KLHL4: variants seen among roughly 807,000 people sequenced by gnomAD.
The protein encoded by KLHL4 is kelch-like protein 4.
A neutral mutation model predicts 45.8 loss-of-function variants in KLHL4; 17 were observed. The ratio of observed to expected loss-of-function variants is 0.37; its 90% confidence interval spans 0.25 to 0.56. KLHL4 has a LOEUF of 0.56. KLHL4 is among the 20% of genes least tolerant of loss of function. The pLI is 0.79. For missense variants in KLHL4, 544 were observed against 544.9 expected, an observed-to-expected ratio of 1.00 and a Z score of 0.02; for synonymous variants, 224 against 189.9, an observed-to-expected ratio of 1.18 and a Z score of -1.47.
rs755150150 is a variant in KLHL4 at position 87,665,921 on chromosome X, C to T, written c.2098-554C>T. Among the ~76,000 whole-genome samples, 4 of 111,429 alleles carry T rather than the reference C, an allele frequency of 3.6e-5. No individual in the cohort carries two copies. The East Asian group carries it at 1.1e-3, about 32-fold the overall frequency. On this transcript the variant is annotated intron_variant, in intron 10 of 10. Coordinates refer to ENST00000373119, the MANE Select transcript of KLHL4 (RefSeq NM_019117.5). ...GTAGGTAGCTGCTGTTTTGTCAATG[C>T]TTAGGACCAACCAGAAATCGAAGGA... is the stretch of plus-strand genomic sequence containing the variant.
At chrX:87,632,178 G>A in intron 6 of KLHL4, 32 bp from the exon 7 acceptor site, 1 of 942,000 alleles carries the variant, frequency 1.1e-6, no homozygotes, top group Non-Finnish European at 1.5e-6. Flanking sequence ...AATAGAAGTA[G>A]ATTTTACCGT....
chrX:87,598,501 T>C (rs1007105265), intron 1 of KLHL4, among the ~76,000 whole-genome samples: 1 of 111,545 alleles, frequency 9.0e-6, no homozygotes, highest in Non-Finnish European at 1.9e-5. Context: ...AGAGCCACCA[T>C]GAATACATGA....
At chrX:87,557,700 C>G (rs1023089634) in intron 1 of KLHL4, among the ~76,000 whole-genome samples, 1 of 104,160 alleles carries the variant, frequency 9.6e-6, no homozygotes, top group Non-Finnish European at 1.9e-5. Flanking sequence ...TGGGAATATT[C>G]AGTCTTTTAA....
Position 87,667,869 on chromosome X carries a change from C to T in KLHL4, c.*1335C>T, listed in dbSNP as rs1285937496. The T allele has an allele frequency of 1.0e-5, 7 of 668,401 alleles. No individual in the cohort carries two copies. Among genetic ancestry groups the T allele is most frequent in the Admixed American group, 8.9e-5 (1 of 11,239 alleles). The allele number at this position is 668,401 out of a possible 1,213,427, so 55.1% of individuals were successfully genotyped here. On this transcript the variant is annotated 3_prime_UTR_variant, in exon 11 of 11. Coordinates refer to ENST00000373119, the MANE Select transcript of KLHL4 (RefSeq NM_019117.5). ...GCTTTTAAGTTTTAAGAAAGAAGAA[C>T]GTAAGTTGTACAAAGATATTTGTAC...
chrX:87,666,325 G>GCAGA (rs1363236550), intron 10 of KLHL4, 150 bp from the exon 11 acceptor site: 34 of 472,268 alleles, frequency 7.2e-5, no homozygotes, highest in Admixed American at 1.1e-4. Context: ...ACACTACACT[G>GCAGA]TTTTCTAGGC....
intron 2 of KLHL4, 22 bp from the exon 3 acceptor site, chrX:87,614,412 T>G (rs1459554811): frequency 2.5e-6 from 3 of 1,195,351 alleles, no homozygotes; most frequent in Non-Finnish European, 2.3e-6. Flanking sequence ...TTTAAATTCC[T>G]ACAAATATTT....
In KLHL4 at chrX:87,669,942, C is replaced by A. The variant is rs955650475; in HGVS notation, c.*3408C>A. 1.8e-5 allele frequency: 2 copies of A among 112,691 alleles called. No homozygotes were observed. The highest frequency in any genetic ancestry group is 3.7e-5 in the Non-Finnish European group (2 of 53,827). The allele number at this position is 112,691 out of a possible 1,213,427, so 9.3% of individuals were successfully genotyped here. A position where few individuals can be genotyped will look rare whatever the true frequency, so the allele number is the denominator to read the frequency against. On this transcript the variant is annotated 3_prime_UTR_variant, in exon 11 of 11. Transcript: ENST00000373119. ...GTAAGGTGATAATATGTTTAATTAGCTTGATTTAATCATCCCACACTGTAT... is the reference window on the plus strand; with the variant it reads ...GTAAGGTGATAATATGTTTAATTAGATTGATTTAATCATCCCACACTGTAT...
At chrX:87,595,013 T>TTC (rs1207332503) in intron 1 of KLHL4, among the ~76,000 whole-genome samples, 1 of 97,881 alleles carries the variant, frequency 1.0e-5, no homozygotes, top group African/African-American at 3.8e-5. Flanking sequence ...TCCTCTACCC[T>TTC]TCTCTCTTTT....
In KLHL4 at chrX:87,613,086, AC is replaced by A. The variant is rs1922437598; in HGVS notation, c.423-790del. Among the ~76,000 whole-genome samples the A allele has an allele frequency of 2.7e-5, 3 of 111,983 alleles. No homozygotes were observed. The South Asian group carries it at 1.1e-3, about 42-fold the overall frequency. On this transcript the variant is annotated intron_variant, in intron 1 of 10. Transcript: ENST00000373119. Reference sequence around the variant, plus strand: ...TTGGACCAACTGTCTTAAAAGAAACACAGACTGAATCGGGAGTGAGGAGATC... The same window carrying A: ...TTGGACCAACTGTCTTAAAAGAAACAAGACTGAATCGGGAGTGAGGAGATC...
intron 1 of KLHL4, among the ~76,000 whole-genome samples, chrX:87,526,293 A>C (rs1237582294): frequency 8.9e-6 from 1 of 112,323 alleles, no homozygotes; most frequent in African/African-American, 3.2e-5. Flanking sequence ...TTGGTTTTCT[A>C]TTAATGTTTC....
chrX:87,637,150 A>G (rs1923289212), intron 9 of KLHL4, among the ~76,000 whole-genome samples: 1 of 111,470 alleles, frequency 9.0e-6, no homozygotes, highest in African/African-American at 3.3e-5. Context: ...GAGAGACCTG[A>G]AGATGGATCA....
At chrX:87,641,980 CA>C (rs1405679061) in intron 9 of KLHL4, among the ~76,000 whole-genome samples, 1 of 105,488 alleles carries the variant, frequency 9.5e-6, no homozygotes, top group East Asian at 3.0e-4. Context: ...AGACAAAGGG[CA>C]TATAATCTTG....
intron 1 of KLHL4, among the ~76,000 whole-genome samples, chrX:87,606,018 G>A (rs773635274): frequency 3.7e-4 from 41 of 110,645 alleles, no homozygotes; most frequent in Non-Finnish European, 6.3e-4. Context: ...TTCTTAATGC[G>A]GTGTATCAAA....
Position 87,632,230 on chromosome X carries a change from T to C in KLHL4, c.1345T>C (p.Tyr449His). The change falls in exon 7 of 11, where the codon TAT becomes CAT. Residue 449 changes from tyrosine to histidine, a missense_variant. Physicochemically the swap from Tyr to His is moderately conservative, Grantham distance 83. Transcript: ENST00000373119. ...GTCAGGTACTACTACTATTGAAAAA[T>C]ATGACCTCAGGACCAACAGTTGGCT... ...AMKGTTTIEK[Y>H]DLRTNSWLHI... 6 of 1,191,084 alleles carry C rather than the reference T, an allele frequency of 5.0e-6. No homozygotes were observed. Among genetic ancestry groups the C allele is most frequent in the Non-Finnish European group, 6.8e-6 (6 of 877,495 alleles).
At chrX:87,656,225 G>A (rs1414139268) in intron 9 of KLHL4, among the ~76,000 whole-genome samples, 1 of 110,732 alleles carries the variant, frequency 9.0e-6, no homozygotes, top group Non-Finnish European at 1.9e-5. Context: ...AAGATACCTA[G>A]ATCTCTTCCT....
At chrX:87,614,105 G>A in intron 2 of KLHL4, 61 bp downstream of exon 2, 2 of 785,119 alleles carry the variant, frequency 2.5e-6, no homozygotes, top group East Asian at 3.2e-5. Flanking sequence ...AAGAGATAAT[G>A]AGTACATGGA....
intron 1 of KLHL4, among the ~76,000 whole-genome samples, chrX:87,565,685 CAAAAAA>C (rs748577568): frequency 3.3e-3 from 87 of 26,260 alleles, no homozygotes; most frequent in African/African-American, 0.012. Context: ...GTGATTGTGC[CAAAAAA>C]AAAAAAAAAA....
intron 1 of KLHL4, among the ~76,000 whole-genome samples, chrX:87,586,735 A>G (rs1462967309): frequency 2.7e-5 from 3 of 111,346 alleles, no homozygotes; most frequent in African/African-American, 9.7e-5. Flanking sequence ...AGCAAGAGGA[A>G]ATGAAATCCA....
At chrX:87,592,106 G>A (rs748027256) in intron 1 of KLHL4, among the ~76,000 whole-genome samples, 4 of 110,600 alleles carry the variant, frequency 3.6e-5, no homozygotes, top group South Asian at 3.8e-4. Context: ...GTGTGAACAC[G>A]TGCTGTTTGT....
Sources: allele counts gnomAD v4.1 joint callset (sites outside exome capture counted in the v4.1 genomes callset), GRCh38; gene constraint gnomAD v4.1.1; transcripts MANE v1.5; gene names NCBI Gene and HGNC (gene_info 2026-07-23, HGNC 2026-07-21).